KIF1C: variants seen among roughly 807,000 people sequenced by gnomAD.
KIF1C encodes the protein kinesin family member 1C.
A neutral mutation model predicts 126.5 loss-of-function variants in KIF1C; 61 were observed. The ratio of observed to expected loss-of-function variants is 0.48; its 90% confidence interval spans 0.39 to 0.60. The LOEUF is 0.60. Ranked by LOEUF, KIF1C falls within the 20% of genes least tolerant of loss-of-function variation. KIF1C has a pLI of 0.00. For synonymous variants in KIF1C, 640 were observed against 580.6 expected, an observed-to-expected ratio of 1.10 and a Z score of -1.47; for missense variants, 1,315 against 1,489.2, an observed-to-expected ratio of 0.88 and a Z score of 1.93.
In KIF1C at chr17:5,025,272, G is replaced by T. The variant is rs1324591147; in HGVS notation, c.*1121G>T. Reference sequence around the variant, plus strand: ...CACAGAAGCGGGGATGCGAGGGGAGGTAGAGGGACCGCCAGCCTGTCAATG... The same window carrying T: ...CACAGAAGCGGGGATGCGAGGGGAGTTAGAGGGACCGCCAGCCTGTCAATG... On this transcript the variant is annotated 3_prime_UTR_variant, in exon 23 of 23. Transcript: ENST00000320785. 2 of 152,342 alleles carry T rather than the reference G, an allele frequency of 1.3e-5. No homozygotes were observed. The highest frequency in any genetic ancestry group is 4.8e-5 in the African/African-American group (2 of 41,444). 9.4% of individuals were successfully genotyped at this position (152,342 alleles called of 1,614,324 possible). A position where few individuals can be genotyped will look rare whatever the true frequency, so the allele number is the denominator to read the frequency against.
intron 16 of KIF1C, among the ~76,000 whole-genome samples, chr17:5,013,383 G>C (rs1486468084): frequency 5.3e-5 from 8 of 152,184 alleles, no homozygotes; most frequent in Admixed American, 5.2e-4. Flanking sequence ...AGCTGGATGG[G>C]TGGGGCAATT....
chr17:5,005,473 C>A (rs1974705473), intron 13 of KIF1C, among the ~76,000 whole-genome samples: 1 of 152,088 alleles, frequency 6.6e-6, no homozygotes, highest in Non-Finnish European at 1.5e-5. Context: ...TCCATGTTGA[C>A]GGTCAGGAAT....
chr17:5,006,160 T>C (rs140106961), intron 13 of KIF1C, among the ~76,000 whole-genome samples: 2,123 of 149,484 alleles, frequency 0.014, 44 homozygotes, highest in East Asian at 0.049. Context: ...TGAGCCAAGA[T>C]GGAGCCATTG....
At chr17:5,007,600 G>T in intron 16 of KIF1C, 58 bp downstream of exon 16, 2 of 1,401,734 alleles carry the variant, frequency 1.4e-6, no homozygotes, top group South Asian at 1.4e-5. Flanking sequence ...TAGAAAAGAG[G>T]CAGCAGGTGC....
chr17:5,003,031 T>C (rs1481539618), intron 8 of KIF1C, among the ~76,000 whole-genome samples, 189 bp downstream of exon 8: 1 of 150,898 alleles, frequency 6.6e-6, no homozygotes, highest in Admixed American at 6.6e-5. Flanking sequence ...CTCTACTGTT[T>C]GCTTGTCTTT....
intron 18 of KIF1C, chr17:5,019,624 T>A (rs1357224288): frequency 8.2e-6 from 2 of 242,544 alleles, no homozygotes. Context: ...CCAGGGATAA[T>A]GTCAGTGGGA....
At position 5,020,399 on chromosome 17, in the gene KIF1C, C is replaced by A; in HGVS notation, c.1751-93C>A. The A allele has an allele frequency of 7.7e-7, 1 of 1,296,410 alleles. No individual in the cohort carries two copies. Among genetic ancestry groups the A allele is most frequent in the Non-Finnish European group, 1.1e-6 (1 of 942,572 alleles). The allele number at this position is 1,296,410 out of a possible 1,614,324, so 80.3% of individuals were successfully genotyped here. On this transcript the variant is annotated intron_variant, in intron 19 of 22. Coordinates refer to ENST00000320785, the MANE Select transcript of KIF1C (RefSeq NM_006612.6). The surrounding 1 kb of genome is among the most constrained non-coding windows in gnomAD (Gnocchi z 5.8). ...TGGGGTGATGAAGGGGAGGGTGTCA[C>A]AGCCCCTGTGCCAGATTCTCTATGC...
chr17:5,006,463 A>T (rs1350129122), intron 13 of KIF1C, among the ~76,000 whole-genome samples: 1 of 151,636 alleles, frequency 6.6e-6, no homozygotes, highest in African/African-American at 2.4e-5. Flanking sequence ...CAGCCTCCCA[A>T]GTAGCTAGGA....
chr17:5,023,577 C>G lies in KIF1C; in HGVS notation c.2738C>G (p.Pro913Arg). The G allele has an allele frequency of 6.2e-7, 1 of 1,613,568 alleles. No individual in the cohort carries two copies. ...APSDRMPSARPPSPPLSSWER... is the reference protein window; with the variant it reads ...APSDRMPSARRPSPPLSSWER... ...AGTGACCGCATGCCGTCAGCCCGGC[C>G]CCCCTCGCCACCACTGTCAAGCTGG... The change falls in exon 23 of 23, where the codon CCC becomes CGC. Residue 913 changes from proline to arginine, a missense_variant. Coordinates refer to ENST00000320785, the MANE Select transcript of KIF1C (RefSeq NM_006612.6). This position sits in a 1 kb window ranked among gnomAD's most constrained non-coding sequence, Gnocchi z 4.2.
At chr17:5,004,121 ACT>A (rs1396200282) in intron 11 of KIF1C, 48 bp downstream of exon 11, 1 of 1,299,414 alleles carries the variant, frequency 7.7e-7, no homozygotes, top group South Asian at 1.2e-5. Context: ...CATCCCACAA[ACT>A]CTTTTGATAC....
rs1230972382 is a variant in KIF1C, at chr17:5,020,989, G to T, written c.2010+111G>T. On this transcript the variant is annotated intron_variant, in intron 21 of 22. Transcript: ENST00000320785. This position sits in a 1 kb window ranked among gnomAD's most constrained non-coding sequence, Gnocchi z 5.8. ...GAGTGGGAAATGGGCATGGGGGTAA[G>T]GGGAAGGGTCCAAGAGGAAAAAGCC... 1 of 920,080 alleles carries T rather than the reference G, an allele frequency of 1.1e-6. No individual in the cohort carries two copies. Among genetic ancestry groups the T allele is most frequent in the East Asian group, 2.6e-5 (1 of 38,012 alleles). 57.0% of individuals were successfully genotyped at this position (920,080 alleles called of 1,614,324 possible). A position where few individuals can be genotyped will look rare whatever the true frequency, so the allele number is the denominator to read the frequency against.
chr17:5,002,412 T>G, intron 6 of KIF1C, 52 bp from the exon 7 acceptor site: 1 of 1,495,774 alleles, frequency 6.7e-7, no homozygotes, highest in Non-Finnish European at 9.1e-7. Flanking sequence ...TTAAGTTGCG[T>G]TGTCATTGTT....
chr17:5,012,716 G>A (rs916965202), intron 16 of KIF1C, among the ~76,000 whole-genome samples: 1 of 152,166 alleles, frequency 6.6e-6, no homozygotes, highest in Admixed American at 6.5e-5. Context: ...GGGATGGAGA[G>A]GTGTGTGGCA....
Position 5,024,039 on chromosome 17 carries a change from C to T in KIF1C, c.3200C>T (p.Pro1067Leu), listed in dbSNP as rs780508973. Residue 1067 changes from proline (P) to leucine (L), a missense_variant, in exon 23 of 23, where the codon CCC becomes CTC. This residue lies in a region of KIF1C where 441 missense variants were observed against 436.1 expected (regional missense o/e 1.01). Coordinates refer to ENST00000320785, the MANE Select transcript of KIF1C (RefSeq NM_006612.6). ...AACTCTTATCCCCAGCCACCCCAAC[C>T]CTACCCAGCCCAGCGGCCCCCAGGG... is the stretch of plus-strand genomic sequence containing the variant. ...KHNSYPQPPQPYPAQRPPGPR... is the reference protein window; with the variant it reads ...KHNSYPQPPQLYPAQRPPGPR... The T allele has an allele frequency of 1.3e-6, 2 of 1,590,968 alleles. No homozygotes were observed. Among genetic ancestry groups the T allele is most frequent in the East Asian group, 4.6e-5 (2 of 43,708 alleles).
rs781287137 is a variant in KIF1C at position 5,024,051 on chromosome 17, A to T, written c.3212A>T (p.Gln1071Leu). 3 of 1,568,070 alleles carry T rather than the reference A, an allele frequency of 1.9e-6. No individual in the cohort carries two copies. The highest frequency in any genetic ancestry group is 1.7e-4 in the Middle Eastern group (1 of 5,846). Residue 1071 changes from glutamine (Q) to leucine (L), a missense_variant, in exon 23 of 23, where the codon CAG becomes CTG. Gln to Leu is a moderately radical substitution (Grantham distance 113). This residue lies in a region of KIF1C where 441 missense variants were observed against 436.1 expected (regional missense o/e 1.01). Transcript: ENST00000320785. ...YPQPPQPYPA[Q>L]RPPGPRYPPY... The stretch of plus-strand genomic sequence containing the variant: ...CAGCCACCCCAACCCTACCCAGCCC[A>T]GCGGCCCCCAGGGCCCCGCTACCCC...
rs1486524044 is a variant in KIF1C at position 5,022,825 on chromosome 17, A to G, written c.2628+116A>G. 8 of 1,341,678 alleles carry G rather than the reference A, an allele frequency of 6.0e-6. No individual in the cohort carries two copies. Among genetic ancestry groups the G allele is most frequent in the Non-Finnish European group, 7.7e-6 (8 of 1,037,876 alleles). 83.1% of individuals were successfully genotyped at this position (1,341,678 alleles called of 1,614,324 possible). On this transcript the variant is annotated intron_variant, in intron 22 of 22. Transcript: ENST00000320785. This position sits in a 1 kb window ranked among gnomAD's most constrained non-coding sequence, Gnocchi z 4.9. ...AGTCTGGAAAAAATTGCATTGAAGT[A>G]TAGTACGTTTTTTTCAATATTGTTT... is the stretch of plus-strand genomic sequence containing the variant.
rs747636025 is a variant in KIF1C, at chr17:5,023,402, A to G, written c.2629-66A>G. 1 of 1,375,250 alleles carries G rather than the reference A, an allele frequency of 7.3e-7. No individual in the cohort carries two copies. Among genetic ancestry groups the G allele is most frequent in the Non-Finnish European group, 1.0e-6 (1 of 984,936 alleles). 85.2% of individuals were successfully genotyped at this position (1,375,250 alleles called of 1,614,324 possible). ...TCCAGCCACTCCAGGTCCCTCTTGA[A>G]TCCACATGTCCTGAGGATTCAGCTC... On this transcript the variant is annotated intron_variant, in intron 22 of 22. Coordinates refer to ENST00000320785, the MANE Select transcript of KIF1C (RefSeq NM_006612.6). This position sits in a 1 kb window ranked among gnomAD's most constrained non-coding sequence, Gnocchi z 4.2.
chr17:5,014,828 G>A lies in KIF1C; in HGVS notation c.1657G>A (p.Asp553Asn). Reference sequence around the variant, plus strand: ...TCTGTTCCGGAGCATCCCCCAGCCAGATGGAGAAGGTAATGGCTGAGGGGG... The same window carrying A: ...TCTGTTCCGGAGCATCCCCCAGCCAAATGGAGAAGGTAATGGCTGAGGGGG... ...HCLFRSIPQP[D>N]GEVVVTLEPC... Residue 553 changes from aspartate to asparagine, a missense_variant, in exon 18 of 23, where the codon GAT (aspartate) becomes AAT (asparagine). Physicochemically the swap from Asp to Asn is conservative, Grantham distance 23 (BLOSUM62 1). Around this residue, in one of 2 missense-constraint regions of KIF1C, gnomAD observed 874 missense variants for 1,053.2 expected, o/e 0.83. Coordinates refer to ENST00000320785, the MANE Select transcript of KIF1C (RefSeq NM_006612.6). The A allele has an allele frequency of 6.3e-7, 1 of 1,591,160 alleles. No homozygotes were observed. The highest frequency in any genetic ancestry group is 8.6e-7 in the Non-Finnish European group (1 of 1,168,928).
chr17:5,000,007 G>C (rs1974539082), intron 2 of KIF1C, 37 bp downstream of exon 2: 1 of 524,100 alleles, frequency 1.9e-6, no homozygotes, highest in Non-Finnish European at 3.4e-6. Context: ...CTGCAAGCTG[G>C]AATATGGCTG....
Sources: gnomAD v4.1 joint callset for allele counts (sites outside exome capture counted in the v4.1 genomes callset) on GRCh38, gnomAD v4.1.1 for gene constraint, gnomAD v4.1.1 regional missense constraint, Gnocchi (gnomAD v3.1) non-coding constraint, MANE v1.5 for transcripts, NCBI Gene and HGNC (gene_info 2026-07-23, HGNC 2026-07-21) for gene names.